Variants in CCDC112 observed in about 807,000 individuals in gnomAD.
CCDC112 encodes the protein coiled-coil domain containing 112, also known as coiled-coil domain-containing protein 112.
Under a neutral mutation model 66.3 loss-of-function variants are expected in CCDC112, and 40 were observed. The ratio of observed to expected loss-of-function variants is 0.60; its 90% CI spans 0.47 to 0.79. The LOEUF (loss-of-function observed/expected upper bound fraction) is 0.79. CCDC112 is among the 30% of genes least tolerant of loss of function. The pLI is 0.00. For missense variants in CCDC112, 659 were observed against 603.8 expected, an observed-to-expected ratio of 1.09 and a Z score of -0.96; for synonymous variants, 214 against 197.2, an observed-to-expected ratio of 1.09 and a Z score of -0.71.
intron 8 of CCDC112, 91 bp downstream of exon 8, chr5:115,269,612 T>G: frequency 1.9e-5 from 16 of 831,062 alleles, no homozygotes; most frequent in Non-Finnish European, 2.8e-5. Context: ...AGAAATAAGG[T>G]GAGATATAAA....
intron 1 of CCDC112, chr5:115,296,140 G>A: frequency 8.7e-7 from 1 of 1,155,132 alleles, no homozygotes; most frequent in Non-Finnish European, 1.1e-6. Flanking sequence ...CCAATTTTTA[G>A]AGAAGAAAGT....
chr5:115,272,904 A>G (rs1749066045), intron 6 of CCDC112, among the ~76,000 whole-genome samples: 1 of 152,236 alleles, frequency 6.6e-6, no homozygotes, highest in African/African-American at 2.4e-5. Context: ...TAAAACGCAA[A>G]TCAATGCACT....
chr5:115,270,554 C>T (rs1200343513), intron 7 of CCDC112, among the ~76,000 whole-genome samples: 2 of 152,146 alleles, frequency 1.3e-5, no homozygotes, highest in Non-Finnish European at 2.9e-5. Context: ...CTACAATGCA[C>T]TTAACTCTAG....
intron 1 of CCDC112, chr5:115,288,939 G>C: frequency 2.3e-6 from 1 of 430,634 alleles, no homozygotes; most frequent in South Asian, 1.7e-5. Flanking sequence ...ATTGTACAAG[G>C]AGGGAGACAG....
rs1336980339 is a variant in CCDC112 at position 115,267,371 on chromosome 5, ATATT to A, written c.*501_*504del. ...AAAGCATGCTTCAAACAAATACAAA[ATATT>A]TATTACACAAAAATGTCATAACTGA... On this transcript the variant is annotated 3_prime_UTR_variant, in exon 10 of 10. Transcript: ENST00000379611. The A allele has an allele frequency of 1.3e-5, 2 of 155,238 alleles. No homozygotes were observed. The highest frequency in any genetic ancestry group is 6.5e-5 in the Admixed American group (1 of 15,438). 9.6% of individuals were successfully genotyped at this position (155,238 alleles called of 1,614,324 possible).
chr5:115,295,818 A>G (rs916277113), intron 1 of CCDC112: 10 of 858,188 alleles, frequency 1.2e-5, no homozygotes, highest in Non-Finnish European at 1.4e-5. Flanking sequence ...AAATAAAACC[A>G]GAAACAGGGA....
At chr5:115,284,738 T>A in intron 2 of CCDC112, 49 bp downstream of exon 2, 1 of 1,453,912 alleles carries the variant, frequency 6.9e-7, no homozygotes, top group Non-Finnish European at 9.6e-7. Context: ...TTATTGTCCA[T>A]TATAAAATGG....
intron 7 of CCDC112, 114 bp downstream of exon 7, chr5:115,271,099 C>A: frequency 1.1e-6 from 1 of 911,466 alleles, no homozygotes; most frequent in South Asian, 1.7e-5. Context: ...TTTTGGTATA[C>A]TAATGCTATA....
At chr5:115,271,825 C>G (rs1216042683) in intron 6 of CCDC112, among the ~76,000 whole-genome samples, 199 bp from the exon 7 acceptor site, 2 of 151,226 alleles carry the variant, frequency 1.3e-5, no homozygotes, top group African/African-American at 4.9e-5. Flanking sequence ...TCTTAAAACT[C>G]TGAATAATGG....
At chr5:115,280,887 T>C (rs1450793195) in intron 2 of CCDC112, among the ~76,000 whole-genome samples, 1 of 152,100 alleles carries the variant, frequency 6.6e-6, no homozygotes, top group African/African-American at 2.4e-5. Context: ...TGGAAATTAA[T>C]ATGAATATTT....
At chr5:115,293,356 A>G (rs948055869) in intron 1 of CCDC112, among the ~76,000 whole-genome samples, 1 of 152,230 alleles carries the variant, frequency 6.6e-6, no homozygotes. Flanking sequence ...GAGGTGATAG[A>G]TATGTTAATT....
intron 8 of CCDC112, 119 bp downstream of exon 8, chr5:115,269,584 A>G (rs1313243125): frequency 2.9e-6 from 2 of 687,868 alleles, no homozygotes; most frequent in East Asian, 6.0e-5. Context: ...TAAGTATGAA[A>G]TTTAAAGTAG....
At chr5:115,285,487 G>A (rs989472661) in intron 1 of CCDC112, among the ~76,000 whole-genome samples, 1 of 152,126 alleles carries the variant, frequency 6.6e-6, no homozygotes, top group South Asian at 2.1e-4. Flanking sequence ...GTAGGAAAGT[G>A]TGTTCTAAGC....
chr5:115,282,211 C>T (rs1456444771), intron 2 of CCDC112, among the ~76,000 whole-genome samples: 1 of 152,116 alleles, frequency 6.6e-6, no homozygotes, highest in African/African-American at 2.4e-5. Context: ...TCCAAGATAA[C>T]CTCTTTTTTA....
At chr5:115,289,989 A>G (rs1749854589) in intron 1 of CCDC112, among the ~76,000 whole-genome samples, 2 of 152,214 alleles carry the variant, frequency 1.3e-5, no homozygotes, top group African/African-American at 4.8e-5. Context: ...GGCCTAAAGC[A>G]CAAAAGTTTT....
intron 3 of CCDC112, among the ~76,000 whole-genome samples, chr5:115,278,802 GA>G (rs1370863208): frequency 6.6e-6 from 1 of 151,930 alleles, no homozygotes. Flanking sequence ...TATTTTGAAA[GA>G]AAAAAATCAC....
chr5:115,289,140 T>A (rs1042986863), intron 1 of CCDC112: 1 of 214,910 alleles, frequency 4.7e-6, no homozygotes, highest in Non-Finnish European at 9.3e-6. Flanking sequence ...TTAGCCACTT[T>A]GGCCAGTTTT....
In CCDC112 at chr5:115,296,612, G is replaced by T. The variant is rs1489686162; in HGVS notation, c.-69C>A. The T allele has an allele frequency of 1.4e-5, 20 of 1,385,052 alleles. No homozygotes were observed. The highest frequency in any genetic ancestry group is 1.7e-5 in the Non-Finnish European group (18 of 1,072,632). The allele number at this position is 1,385,052 out of a possible 1,614,324, so 85.8% of individuals were successfully genotyped here. On this transcript the variant is annotated 5_prime_UTR_variant, in exon 1 of 10. Coordinates refer to ENST00000379611, the MANE Select transcript of CCDC112 (RefSeq NM_001040440.3). ...TGGGGATTCGTGGCAGGCGCACCCTGGCCTCTGCAGACAGCTCCCTGCGCT... is the reference window on the plus strand; with the variant it reads ...TGGGGATTCGTGGCAGGCGCACCCTTGCCTCTGCAGACAGCTCCCTGCGCT...
chr5:115,270,148 T>C (rs1748938294), intron 7 of CCDC112, among the ~76,000 whole-genome samples: 1 of 152,132 alleles, frequency 6.6e-6, no homozygotes, highest in South Asian at 2.1e-4. Context: ...TTTTTTTCTT[T>C]TATTATGTGT....
Sources: gnomAD v4.1 joint callset for allele counts (sites outside exome capture counted in the v4.1 genomes callset) on GRCh38, gnomAD v4.1.1 for gene constraint, MANE v1.5 for transcripts, NCBI Gene and HGNC (gene_info 2026-07-23, HGNC 2026-07-21) for gene names.